PUS10: variants seen among roughly 807,000 people sequenced by gnomAD.
PUS10 encodes pseudouridine synthase 10.
In PUS10, 59 loss-of-function variants were observed where a neutral mutation model predicts 75.0. The ratio of observed to expected loss-of-function variants is 0.79; its 90% CI spans 0.64 to 0.98. The LOEUF (loss-of-function observed/expected upper bound fraction) is 0.98. Ranked by LOEUF, PUS10 falls within the 50% of genes least tolerant of loss-of-function variation. PUS10 has a pLI of 0.00. For synonymous variants in PUS10, 219 were observed against 211.6 expected (o/e 1.03, Z -0.30); for missense variants, 650 against 614.4 (o/e 1.06, Z -0.61).
In PUS10 at chr2:60,967,498, A is replaced by G; in HGVS notation, c.615+4T>C. 3.2e-6 allele frequency: 5 copies of G among 1,540,752 alleles called. No individual in the cohort carries two copies. Among genetic ancestry groups the G allele is most frequent in the Non-Finnish European group, 4.5e-6 (5 of 1,119,170 alleles). On this transcript the variant is annotated splice_donor_region_variant and intron_variant, in intron 6 of 17. Transcript: ENST00000316752. ...TAAAATTAACAATGCTGTTGACCCA[A>G]TACCTTTCCATCAATGGGAACACCC...
intron 4 of PUS10, among the ~76,000 whole-genome samples, chr2:60,997,609 C>CAA (rs559678211): frequency 0.016 from 1,215 of 77,446 alleles, 25 homozygotes; most frequent in African/African-American, 0.035. Context: ...GACTCCATCT[C>CAA]AAAAAAAAAA....
At chr2:61,017,549 A>C in intron 1 of PUS10, 1 of 542,406 alleles carries the variant, frequency 1.8e-6, no homozygotes, top group Non-Finnish European at 3.3e-6. Flanking sequence ...TCTGGGGCAA[A>C]TACAAAGAGC....
rs751352698 is a variant in PUS10 at position 60,948,176 on chromosome 2, T to C, written c.1318A>G (p.Ile440Val). The change falls in exon 16 of 18, where the codon ATC (isoleucine) becomes GTC (valine). Residue 440 changes from isoleucine (I) to valine (V), a missense_variant. Physicochemically the swap from Ile to Val is conservative, Grantham distance 29. Coordinates refer to ENST00000316752, the MANE Select transcript of PUS10 (RefSeq NM_144709.4). ...ACGCGCAAAGGTGTTTTCTGGTCGA[T>C]TTTTAAGTCCTAGGGGAGAATATGA... ...EFLNDIKDLK[I>V]DQKTPLRVLH... The C allele has an allele frequency of 5.6e-6, 9 of 1,613,928 alleles. No homozygotes were observed. The highest frequency in any genetic ancestry group is 3.3e-5 in the Admixed American group (2 of 59,998).
At chr2:61,017,879 G>A (rs753947905) in intron 1 of PUS10, 129 bp downstream of exon 1, 1 of 1,543,840 alleles carries the variant, frequency 6.5e-7, no homozygotes, top group South Asian at 1.2e-5. Flanking sequence ...CAGGCTGTGA[G>A]TTTAGTGGGC....
chr2:60,946,857 G>GACAC (rs372203343), intron 16 of PUS10, among the ~76,000 whole-genome samples: 5 of 90,528 alleles, frequency 5.5e-5, no homozygotes, highest in East Asian at 4.3e-4. Flanking sequence ...TATATATATA[G>GACAC]ACACACACAC....
chr2:60,986,191 T>A (rs1236262419), intron 4 of PUS10, among the ~76,000 whole-genome samples: 1 of 152,302 alleles, frequency 6.6e-6, no homozygotes, highest in Admixed American at 6.5e-5. Flanking sequence ...AAAGACCATA[T>A]AATTAACATG....
At chr2:60,973,035 G>T (rs1676785622) in intron 4 of PUS10, among the ~76,000 whole-genome samples, 1 of 152,178 alleles carries the variant, frequency 6.6e-6, no homozygotes. Context: ...GCGGCGGTGG[G>T]ACCCCTGTGC....
intron 15 of PUS10, among the ~76,000 whole-genome samples, chr2:60,950,345 C>CT (rs1336338823): frequency 3.9e-5 from 6 of 152,138 alleles, no homozygotes; most frequent in Non-Finnish European, 1.5e-5. Flanking sequence ...ATACGTCTAT[C>CT]TTTTTTCCCA....
At chr2:60,980,931 G>T (rs558526657) in intron 4 of PUS10, among the ~76,000 whole-genome samples, 1 of 152,202 alleles carries the variant, frequency 6.6e-6, no homozygotes, top group African/African-American at 2.4e-5. Flanking sequence ...TCACTCTGTT[G>T]CCCAGGCTGG....
At chr2:60,980,742 T>C (rs1677334306) in intron 4 of PUS10, among the ~76,000 whole-genome samples, 1 of 152,210 alleles carries the variant, frequency 6.6e-6, no homozygotes. Flanking sequence ...TGTAATTATA[T>C]ATATAGATGA....
intron 4 of PUS10, among the ~76,000 whole-genome samples, chr2:60,994,007 T>A (rs1678286279): frequency 6.6e-6 from 1 of 152,068 alleles, no homozygotes; most frequent in African/African-American, 2.4e-5. Context: ...GCCAGGATGG[T>A]CTCGATCTCC....
At chr2:60,991,176 G>A (rs952837904) in intron 4 of PUS10, among the ~76,000 whole-genome samples, 14 of 152,078 alleles carry the variant, frequency 9.2e-5, no homozygotes, top group African/African-American at 3.1e-4. Flanking sequence ...CCTGCACCTG[G>A]CCTGACCTAT....
At chr2:60,982,452 AG>A (rs1010353274) in intron 4 of PUS10, among the ~76,000 whole-genome samples, 3 of 151,952 alleles carry the variant, frequency 2.0e-5, no homozygotes, top group African/African-American at 7.2e-5. Context: ...TAGTAGAGGC[AG>A]GGTTTTGCAA....
chr2:60,975,563 T>C (rs1369987814), intron 4 of PUS10, among the ~76,000 whole-genome samples: 1 of 151,882 alleles, frequency 6.6e-6, no homozygotes, highest in Non-Finnish European at 1.5e-5. Flanking sequence ...CTAAGATGAT[T>C]GTAATTTAAA....
intron 3 of PUS10, among the ~76,000 whole-genome samples, chr2:61,007,176 T>C (rs1196024119): frequency 6.6e-6 from 1 of 151,794 alleles, no homozygotes; most frequent in Non-Finnish European, 1.5e-5. Flanking sequence ...AATTTTCAGA[T>C]ATGTCAATTA....
chr2:60,954,239 G>A lies in PUS10; in HGVS notation c.1058-81C>T, dbSNP rs905373064. On this transcript the variant is annotated intron_variant, in intron 12 of 17. Transcript: ENST00000316752. ...GGCTAATGCAAGAGGGTTAGGAGGTGTGAAAAGTGGGTTGAGCTCTAGAGG... is the reference window on the plus strand; with the variant it reads ...GGCTAATGCAAGAGGGTTAGGAGGTATGAAAAGTGGGTTGAGCTCTAGAGG... 5 of 1,339,572 alleles carry A rather than the reference G, an allele frequency of 3.7e-6. No individual in the cohort carries two copies. In the African/African-American group the frequency reaches 7.2e-5, roughly 19 times the overall value. 83.0% of individuals were successfully genotyped at this position (1,339,572 alleles called of 1,614,324 possible).
chr2:60,942,468 T>C (rs200792091), intron 17 of PUS10, 35 bp from the exon 18 acceptor site: 6 of 1,550,220 alleles, frequency 3.9e-6, no homozygotes, highest in Non-Finnish European at 4.5e-6. Flanking sequence ...AAAACAGATA[T>C]TACTGTTGTG....
chr2:60,980,600 C>T (rs1573455251), intron 4 of PUS10, among the ~76,000 whole-genome samples: 1 of 152,168 alleles, frequency 6.6e-6, no homozygotes. Context: ...AGAAACTTGG[C>T]CTGTGGACAA....
chr2:61,000,178 T>C (rs1324789108), intron 4 of PUS10, among the ~76,000 whole-genome samples: 1 of 152,202 alleles, frequency 6.6e-6, no homozygotes, highest in Non-Finnish European at 1.5e-5. Flanking sequence ...TTAATAGCTC[T>C]TGATTCTATC....
Sources: allele counts gnomAD v4.1 joint callset (sites outside exome capture counted in the v4.1 genomes callset), GRCh38; gene constraint gnomAD v4.1.1; transcripts MANE v1.5; gene names NCBI Gene and HGNC (gene_info 2026-07-23, HGNC 2026-07-21).